The following LAMA5 variants were observed in gnomAD, a reference collection of about 807,000 sequenced individuals.
LAMA5 encodes the protein laminin subunit alpha-5.
A neutral mutation model predicts 433.4 loss-of-function variants in LAMA5; 260 were observed. The observed-to-expected ratio is 0.60, with a 90% CI of 0.54 to 0.66. The LOEUF (loss-of-function observed/expected upper bound fraction) is 0.66, where lower values mean the gene tolerates loss of function less well. Ranked by LOEUF, LAMA5 falls within the 30% of genes least tolerant of loss-of-function variation. The pLI, the probability that LAMA5 is intolerant of heterozygous loss-of-function variation, is 0.00. For synonymous variants in LAMA5, 2,620 were observed against 2,226.6 expected (o/e 1.18, Z -4.97); for missense variants, 5,378 against 5,258.5 (o/e 1.02, Z -0.70).
chr20:62,312,730 C>A lies in LAMA5; in HGVS notation c.9129G>T (p.Val3043=). 6.3e-7 allele frequency: 1 copy of A among 1,596,618 alleles called. No individual in the cohort carries two copies. The change falls in exon 67 of 80, where the codon GTG becomes GTT. Residue 3043 remains valine, a synonymous_variant. Coordinates refer to ENST00000252999, the MANE Select transcript of LAMA5 (RefSeq NM_005560.6). The part of the protein sequence containing the change: ...GGSRKRVLVR[V]ERATVYSVEQ... Reference sequence around the variant, plus strand: ...CCACGCTGTACACCGTGGCCCGCTCCACACGCACCAGCACACGCTTGCGGC... The same window carrying A: ...CCACGCTGTACACCGTGGCCCGCTCAACACGCACCAGCACACGCTTGCGGC...
chr20:62,309,892 C>G, intron 78 of LAMA5, 57 bp from the exon 79 acceptor site: 1 of 1,607,040 alleles, frequency 6.2e-7, no homozygotes, highest in Non-Finnish European at 8.5e-7. Context: ...CTCTCTCCAG[C>G]CCCAAAAGAA....
Position 62,324,404 on chromosome 20 carries a change from G to A in LAMA5, c.5643+37C>T, listed in dbSNP as rs1978884593. On this transcript the variant is annotated intron_variant, in intron 42 of 79. Transcript: ENST00000252999. The surrounding 1 kb of genome is among the most constrained non-coding windows in gnomAD (Gnocchi z 4.4). ...TGGCACACTTGACTGTGCCTTCAGT[G>A]AATGCTGCCCCCCTGGCCCCACCAG... 5.2e-6 allele frequency: 8 copies of A among 1,536,342 alleles called. No homozygotes were observed. The South Asian group carries it at 8.0e-5, about 15-fold the overall frequency.
intron 11 of LAMA5, among the ~76,000 whole-genome samples, chr20:62,344,982 G>T (rs1446302971): frequency 6.6e-6 from 1 of 152,158 alleles, no homozygotes; most frequent in Non-Finnish European, 1.5e-5. Context: ...GCATTCAAGC[G>T]CTGTGCAGAG....
At chr20:62,328,772 T>C in intron 34 of LAMA5, 72 bp downstream of exon 34, 1 of 1,436,496 alleles carries the variant, frequency 7.0e-7, no homozygotes. Context: ...CCCTGCTTTC[T>C]GGTCGACCCG....
Position 62,333,216 on chromosome 20 carries a change from C to G in LAMA5, c.3156G>C (p.Leu1052=), listed in dbSNP as rs1000529654. The G allele has an allele frequency of 8.5e-6, 13 of 1,526,148 alleles. No homozygotes were observed. Among genetic ancestry groups the G allele is most frequent in the Non-Finnish European group, 1.1e-5 (13 of 1,136,448 alleles). The allele number at this position is 1,526,148 out of a possible 1,614,324, so 94.5% of individuals were successfully genotyped here. A position where few individuals can be genotyped will look rare whatever the true frequency, so the allele number is the denominator to read the frequency against. Residue 1052 remains leucine, a synonymous_variant, in exon 26 of 80, where the codon CTG becomes CTC. Transcript: ENST00000252999. Reference sequence around the variant, plus strand: ...GCCCGGCGGCCGAGGGGAAGCCATCCAGGGGGAGGTGTGTGTAGAGGAGGC... The same window carrying G: ...GCCCGGCGGCCGAGGGGAAGCCATCGAGGGGGAGGTGTGTGTAGAGGAGGC... ...DNCLLYTHLP[L]DGFPSAAGLE... is the part of the protein sequence containing the mutation.
chr20:62,323,873 C>CTGCAAAGACCA lies in LAMA5; in HGVS notation c.5769-18_5769-17insTGGTCTTTGCA, dbSNP rs769142848. 1.3e-6 allele frequency: 2 copies of CTGCAAAGACCA among 1,591,556 alleles called. No individual in the cohort carries two copies. Among genetic ancestry groups the CTGCAAAGACCA allele is most frequent in the African/African-American group, 2.7e-5 (2 of 74,300 alleles). On this transcript the variant is annotated splice_polypyrimidine_tract_variant and intron_variant, in intron 43 of 79. Transcript: ENST00000252999. ...TCGGCGAAGCTGCAAAGACCAGCAG[C>CTGCAAAGACCA]GTCAGTCACTAGGCCCCTGGCAGTG...
At chr20:62,317,615 A>T (rs1224939478) in intron 54 of LAMA5, 47 bp downstream of exon 54, 2 of 1,517,572 alleles carry the variant, frequency 1.3e-6, no homozygotes, top group Non-Finnish European at 1.8e-6. Context: ...CCTGGGAGGG[A>T]GTTGGCCGTG....
Position 62,329,936 on chromosome 20 carries a change from A to G in LAMA5, c.3980-20T>C, listed in dbSNP as rs1374914116. 1.9e-6 allele frequency: 3 copies of G among 1,608,326 alleles called. No individual in the cohort carries two copies. The highest frequency in any genetic ancestry group is 1.7e-6 in the Non-Finnish European group (2 of 1,179,128). ...CGTGGCCTGGGCGGGGGAGAAAGGC[A>G]GGGTCAGGCCCCCATCTCTAGCGCC... On this transcript the variant is annotated intron_variant, in intron 31 of 79. Transcript: ENST00000252999.
intron 20 of LAMA5, 125 bp from the exon 21 acceptor site, chr20:62,334,746 C>CG: frequency 1.3e-6 from 1 of 777,240 alleles, no homozygotes; most frequent in Non-Finnish European, 2.0e-6. Flanking sequence ...GCTCAGGGCT[C>CG]AGGGCTCAGG....
Position 62,311,171 on chromosome 20 carries a change from T to C in LAMA5, c.10079A>G (p.His3360Arg), listed in dbSNP as rs781178620. 1 of 1,596,880 alleles carries C rather than the reference T, an allele frequency of 6.3e-7. No homozygotes were observed. The highest frequency in any genetic ancestry group is 1.1e-5 in the South Asian group (1 of 88,608). The change falls in exon 73 of 80, where the codon CAT becomes CGT. Residue 3360 changes from histidine (H) to arginine (R), a missense_variant. Coordinates refer to ENST00000252999, the MANE Select transcript of LAMA5 (RefSeq NM_005560.6). ...HLEFVGILAR[H>R]RNWPSLSMHV... ...CCGGGCCTGGCCTTACCAGTTCCTATGTCGGGCCAGGATGCCCACAAACTC... is the reference window on the plus strand; with the variant it reads ...CCGGGCCTGGCCTTACCAGTTCCTACGTCGGGCCAGGATGCCCACAAACTC...
rs375442995 is a variant in LAMA5 at position 62,336,871 on chromosome 20, G to A, written c.2165-85C>T. 18 of 1,366,416 alleles carry A rather than the reference G, an allele frequency of 1.3e-5. No homozygotes were observed. The Admixed American group carries it at 1.3e-4, about 10-fold the overall frequency. The allele number at this position is 1,366,416 out of a possible 1,614,324, so 84.6% of individuals were successfully genotyped here. ...TGTCCCAGGCCCAGCCAGAACCCAC[G>A]GTCCCACAGGAGCTGAGGACCAGCA... On this transcript the variant is annotated intron_variant, in intron 16 of 79. Transcript: ENST00000252999.
chr20:62,334,730 GTCAGGGCTCAGGGC>G (rs149378083), intron 20 of LAMA5, 109 bp from the exon 21 acceptor site: 1 of 610,700 alleles, frequency 1.6e-6, no homozygotes, highest in African/African-American at 1.9e-5. Context: ...ATGATGGAGA[GTCAGGGCTCAGGGC>G]TCAGGGCTCA....
chr20:62,334,518 C>G lies in LAMA5; in HGVS notation c.2582+4G>C. On this transcript the variant is annotated splice_donor_region_variant and intron_variant, in intron 21 of 79. Transcript: ENST00000252999. ...CCACCACCCAGTGGGGAAGGGGTAC[C>G]CACTCGCTGCAGGTGGGGCCCTGGG... is the stretch of plus-strand genomic sequence containing the variant. The G allele has an allele frequency of 6.5e-7, 1 of 1,547,344 alleles. No individual in the cohort carries two copies. Among genetic ancestry groups the G allele is most frequent in the Non-Finnish European group, 8.7e-7 (1 of 1,146,230 alleles).
chr20:62,309,220 A>G lies in LAMA5; in HGVS notation c.*116T>C. 2 of 1,042,062 alleles carry G rather than the reference A, an allele frequency of 1.9e-6. No homozygotes were observed. The highest frequency in any genetic ancestry group is 1.7e-5 in the South Asian group (1 of 57,346). 64.6% of individuals were successfully genotyped at this position (1,042,062 alleles called of 1,614,324 possible). ...AAGCTATAACTTAAACCATCTTCAG[A>G]AACAAGATCTGTCACCCGTAGAGCT... On this transcript the variant is annotated 3_prime_UTR_variant, in exon 80 of 80. Coordinates refer to ENST00000252999, the MANE Select transcript of LAMA5 (RefSeq NM_005560.6).
Position 62,346,303 on chromosome 20 carries a change from C to A in LAMA5, c.1283-88G>T, listed in dbSNP as rs954512646. The A allele has an allele frequency of 3.3e-6, 5 of 1,500,828 alleles. No homozygotes were observed. In the African/African-American group the frequency reaches 5.5e-5, roughly 17 times the overall value. 93.0% of individuals were successfully genotyped at this position (1,500,828 alleles called of 1,614,324 possible). A position where few individuals can be genotyped will look rare whatever the true frequency, so the allele number is the denominator to read the frequency against. The stretch of plus-strand genomic sequence containing the variant: ...ATGTGGCAGTCTCTACCTCCCCAGC[C>A]AGGGCCATGGGGATGAGGGCTACAG... On this transcript the variant is annotated intron_variant, in intron 9 of 79. Coordinates refer to ENST00000252999, the MANE Select transcript of LAMA5 (RefSeq NM_005560.6).
chr20:62,352,870 G>C, intron 3 of LAMA5: 2 of 452,654 alleles, frequency 4.4e-6, no homozygotes, highest in South Asian at 6.2e-5. Context: ...AGCTGCCGGT[G>C]CATGAAGCCA....
intron 48 of LAMA5, among the ~76,000 whole-genome samples, chr20:62,321,448 G>C (rs1347541735): frequency 2.2e-4 from 4 of 18,446 alleles, no homozygotes; most frequent in Admixed American, 4.6e-4. Context: ...GGCCAGCAGA[G>C]GGGTAGGGCC....
chr20:62,334,587 C>T lies in LAMA5; in HGVS notation c.2517G>A (p.Gln839=). Residue 839 remains glutamine (Q), a synonymous_variant, in exon 21 of 80, where the codon CAG becomes CAA. Coordinates refer to ENST00000252999, the MANE Select transcript of LAMA5 (RefSeq NM_005560.6). Reference sequence around the variant, plus strand: ...AGACGCCCGTCCTCGGTTCACAGCTCTGGCCCAGTGCACCGCCAATGTCAC... The same window carrying T: ...AGACGCCCGTCCTCGGTTCACAGCTTTGGCCCAGTGCACCGCCAATGTCAC... ...CRCDIGGALG[Q]SCEPRTGVCR... The T allele has an allele frequency of 6.5e-7, 1 of 1,548,316 alleles. No homozygotes were observed.
rs377693881 is a variant in LAMA5 at position 62,312,900 on chromosome 20, C to G, written c.9066G>C (p.Ser3022=). The G allele has an allele frequency of 6.3e-7, 1 of 1,586,184 alleles. No homozygotes were observed. The highest frequency in any genetic ancestry group is 8.6e-7 in the Non-Finnish European group (1 of 1,164,420). The change falls in exon 66 of 80, where the codon TCG becomes TCC. Residue 3022 remains serine, a synonymous_variant. Coordinates refer to ENST00000252999, the MANE Select transcript of LAMA5 (RefSeq NM_005560.6). ...ACCCTGGCCCTACCGCCTTGCTGGCCGAGGTCAGGGGCGGTGGGGGCTGCA... is the reference window on the plus strand; with the variant it reads ...ACCCTGGCCCTACCGCCTTGCTGGCGGAGGTCAGGGGCGGTGGGGGCTGCA... The part of the protein sequence containing the change: ...VPLQPPPPLT[S]ASKAIQVFLL...
Sources: gnomAD v4.1 joint callset for allele counts (sites outside exome capture counted in the v4.1 genomes callset) on GRCh38, gnomAD v4.1.1 for gene constraint, Gnocchi (gnomAD v3.1) non-coding constraint, MANE v1.5 for transcripts, NCBI Gene and HGNC (gene_info 2026-07-23, HGNC 2026-07-21) for gene names.